Variants in BPHL observed in about 807,000 individuals in gnomAD.
BPHL encodes the protein serine hydrolase BPHL.
A neutral mutation model predicts 31.2 loss-of-function variants in BPHL; 27 were observed. That is an observed-to-expected ratio of 0.87 (90% CI 0.64 to 1.19). BPHL has a LOEUF of 1.19. Ranked by LOEUF, BPHL falls within the 50% of genes most tolerant of loss-of-function variation. BPHL has a pLI of 0.00. For missense variants in BPHL, 356 were observed against 375.7 expected, an observed-to-expected ratio of 0.95 and a Z score of 0.43; for synonymous variants, 150 against 146.8, an observed-to-expected ratio of 1.02 and a Z score of -0.16.
At chr6:3,131,418 T>C (rs1761864094) in intron 4 of BPHL, among the ~76,000 whole-genome samples, 2 of 152,184 alleles carry the variant, frequency 1.3e-5, no homozygotes. Flanking sequence ...TTTGCCCACC[T>C]TGCCCTGTTC....
intron 6 of BPHL, among the ~76,000 whole-genome samples, chr6:3,145,164 AGGGTGGAGTGCTGGTTCG>A (rs1561799637): frequency 8.1e-5 from 7 of 86,576 alleles, no homozygotes; most frequent in East Asian, 3.4e-4. Context: ...GTGCTGGTTC[AGGGTGGAGTGCTGGTTCG>A]GGGTGGAGTG....
chr6:3,120,771 C>T (rs74535920), intron 1 of BPHL, among the ~76,000 whole-genome samples: 7,164 of 152,304 alleles, frequency 0.047, 537 homozygotes, highest in African/African-American at 0.16. Context: ...TAATAATTCA[C>T]ATAACCTAAC....
At chr6:3,142,654 G>C (rs750973452) in intron 6 of BPHL, among the ~76,000 whole-genome samples, 19 of 152,102 alleles carry the variant, frequency 1.2e-4, no homozygotes, top group Non-Finnish European at 2.5e-4. Context: ...ATTAATCTTA[G>C]ATTTTTCTCC....
chr6:3,134,862 A>G (rs898150597), intron 4 of BPHL, among the ~76,000 whole-genome samples: 1 of 152,014 alleles, frequency 6.6e-6, no homozygotes, highest in Non-Finnish European at 1.5e-5. Flanking sequence ...TCGGCCTCCC[A>G]AAGTGCTGGG....
chr6:3,119,140 CCCAGGGAGAT>C (rs1251671642), intron 1 of BPHL: 1 of 768,422 alleles, frequency 1.3e-6, no homozygotes, highest in Non-Finnish European at 2.1e-6. Flanking sequence ...ACCAGAGAGA[CCCAGGGAGAT>C]ACATTTGCCT....
intron 3 of BPHL, among the ~76,000 whole-genome samples, chr6:3,128,031 G>C (rs187813463): frequency 1.3e-5 from 2 of 152,076 alleles, no homozygotes; most frequent in Non-Finnish European, 2.9e-5. Flanking sequence ...GCATTAGTCC[G>C]GATGGTCTCG....
At position 3,127,080 on chromosome 6, in the gene BPHL, A is replaced by G. The variant is rs1000448551; in HGVS notation, c.212-162A>G. ...CCGGTCAGCCTGCCTCCTTTCTTCGAGTGGATGGATTAAGTCATTGCAAGG... is the reference window on the plus strand; with the variant it reads ...CCGGTCAGCCTGCCTCCTTTCTTCGGGTGGATGGATTAAGTCATTGCAAGG... On this transcript the variant is annotated intron_variant, in intron 2 of 6. Coordinates refer to ENST00000380379, the MANE Select transcript of BPHL (RefSeq NM_004332.4). 21 of 452,068 alleles carry G rather than the reference A, an allele frequency of 4.6e-5. No individual in the cohort carries two copies. The East Asian group carries it at 6.7e-4, about 14-fold the overall frequency. 28.0% of individuals were successfully genotyped at this position (452,068 alleles called of 1,614,324 possible). A position where few individuals can be genotyped will look rare whatever the true frequency, so the allele number is the denominator to read the frequency against.
intron 4 of BPHL, among the ~76,000 whole-genome samples, chr6:3,134,703 C>T (rs374721553): frequency 1.3e-5 from 2 of 151,472 alleles, no homozygotes; most frequent in Non-Finnish European, 2.9e-5. Context: ...CCTGTGTTCA[C>T]GCCATTCTCC....
Position 3,140,473 on chromosome 6 carries a change from A to C in BPHL, c.752A>C (p.His251Pro). Residue 251 changes from histidine (H) to proline (P), a missense_variant, in exon 6 of 7, where the codon CAT becomes CCT. Coordinates refer to ENST00000380379, the MANE Select transcript of BPHL (RefSeq NM_004332.4). This position sits in a 1 kb window ranked among gnomAD's most constrained non-coding sequence, Gnocchi z 5.2. ...GEKDPLVPRF[H>P]ADFIHKHVKG... ...AAGGATCCTCTGGTCCCACGGTTTC[A>C]TGCCGACTTCATTCATAAGCACGTG... The C allele has an allele frequency of 2.5e-6, 4 of 1,614,146 alleles. No homozygotes were observed. The highest frequency in any genetic ancestry group is 3.4e-6 in the Non-Finnish European group (4 of 1,180,032).
chr6:3,145,035 G>T (rs1279853605), intron 6 of BPHL, among the ~76,000 whole-genome samples: 2 of 152,246 alleles, frequency 1.3e-5, no homozygotes, highest in African/African-American at 2.4e-5. Context: ...TGGAGTGCTG[G>T]TTTGGGTTTG....
intron 1 of BPHL, among the ~76,000 whole-genome samples, chr6:3,120,265 C>G (rs1212066387): frequency 1.3e-5 from 2 of 152,046 alleles, no homozygotes; most frequent in African/African-American, 4.8e-5. Flanking sequence ...GAACTCTTGA[C>G]CTCAAATGAT....
Position 3,140,530 on chromosome 6 carries a change from C to T in BPHL, c.788+21C>T. On this transcript the variant is annotated intron_variant, in intron 6 of 6. Transcript: ENST00000380379. The surrounding 1 kb of genome is among the most constrained non-coding windows in gnomAD (Gnocchi z 5.2). ...TCACGGTAAGTCCTGTCACCGCCTT[C>T]ACACTCCCCCCGAGAGCCTCGGAGT... The T allele has an allele frequency of 6.2e-7, 1 of 1,612,312 alleles. No individual in the cohort carries two copies. The highest frequency in any genetic ancestry group is 8.5e-7 in the Non-Finnish European group (1 of 1,179,730).
At chr6:3,119,521 A>G (rs1267357081) in intron 1 of BPHL, 3 of 1,614,060 alleles carry the variant, frequency 1.9e-6, no homozygotes, top group East Asian at 2.2e-5. Context: ...AGGTAAAACA[A>G]TAACAAAAAA....
intron 6 of BPHL, among the ~76,000 whole-genome samples, chr6:3,147,464 C>T (rs903977394): frequency 2.6e-5 from 4 of 152,012 alleles, no homozygotes; most frequent in Non-Finnish European, 4.4e-5. Context: ...GAGAAGGTCT[C>T]GCTCTGTTGC....
intron 6 of BPHL, among the ~76,000 whole-genome samples, chr6:3,144,267 C>T (rs910616992): frequency 7.9e-5 from 12 of 151,860 alleles, no homozygotes; most frequent in African/African-American, 2.4e-5. Flanking sequence ...CGGGGTTTCA[C>T]GGCGTTAGCC....
intron 1 of BPHL, among the ~76,000 whole-genome samples, chr6:3,123,427 A>G (rs1761627237): frequency 6.6e-6 from 1 of 152,230 alleles, no homozygotes; most frequent in African/African-American, 2.4e-5. Context: ...TGATCAGATC[A>G]GTGTAATTAG....
At chr6:3,130,721 C>T (rs982700703) in intron 4 of BPHL, among the ~76,000 whole-genome samples, 1 of 152,218 alleles carries the variant, frequency 6.6e-6, no homozygotes, top group Non-Finnish European at 1.5e-5. Context: ...GTACAGATCT[C>T]TTCGCTAGAA....
chr6:3,144,372 CTTTTTT>C (rs58022650), intron 6 of BPHL, among the ~76,000 whole-genome samples: 75 of 64,780 alleles, frequency 1.2e-3, no homozygotes, highest in Middle Eastern at 0.014. Flanking sequence ...TGGCCTTCTT[CTTTTTT>C]TTTTTTTTTT....
intron 4 of BPHL, among the ~76,000 whole-genome samples, chr6:3,136,811 A>G (rs10458071): frequency 0.46 from 70,208 of 152,170 alleles, 20,290 homozygotes; most frequent in Non-Finnish European, 0.66. Context: ...CTACTAGTGA[A>G]TCATCTATAA....
Sources: gnomAD v4.1 joint callset for allele counts (sites outside exome capture counted in the v4.1 genomes callset) on GRCh38, gnomAD v4.1.1 for gene constraint, Gnocchi (gnomAD v3.1) non-coding constraint, MANE v1.5 for transcripts, NCBI Gene and HGNC (gene_info 2026-07-23, HGNC 2026-07-21) for gene names.